The following FRMD4A variants were observed in gnomAD, a reference collection of about 807,000 sequenced individuals.
FRMD4A encodes FERM domain containing 4A.
Under a neutral mutation model 129.1 loss-of-function variants are expected in FRMD4A, and 29 were observed. The observed-to-expected ratio is 0.22, with a 90% CI of 0.17 to 0.31. The LOEUF (loss-of-function observed/expected upper bound fraction) is 0.31. Ranked by LOEUF, FRMD4A falls within the 10% of genes least tolerant of loss-of-function variation. FRMD4A has a pLI of 1.00. For synonymous variants in FRMD4A, 634 were observed against 571.6 expected, an observed-to-expected ratio of 1.11 and a Z score of -1.56; for missense variants, 1,272 against 1,375.8, an observed-to-expected ratio of 0.92 and a Z score of 1.19.
intron 2 of FRMD4A, among the ~76,000 whole-genome samples, chr10:14,046,018 T>C (rs1056321488): frequency 6.6e-6 from 1 of 150,756 alleles, no homozygotes; most frequent in Non-Finnish European, 1.5e-5. Context: ...ATATTATACA[T>C]ATTACATATT....
rs952456974 is a variant in FRMD4A, at chr10:14,090,405, C to T, written c.46-231493G>A. ...GTCAAGGCAGACGCTGTAAAAGGACCGGGCACTGCAGAGCTGCAGGACAAG... is the reference window on the plus strand; with the variant it reads ...GTCAAGGCAGACGCTGTAAAAGGACTGGGCACTGCAGAGCTGCAGGACAAG... On this transcript the variant is annotated intron_variant, in intron 2 of 24. Coordinates refer to ENST00000357447, the MANE Select transcript of FRMD4A (RefSeq NM_018027.5). Among the ~76,000 whole-genome samples, 10 of 152,112 alleles carry T rather than the reference C, an allele frequency of 6.6e-5. No homozygotes were observed. In the South Asian group the frequency reaches 1.5e-3, roughly 22 times the overall value.
At chr10:14,319,324 CAGT>C (rs761528633) in intron 2 of FRMD4A, among the ~76,000 whole-genome samples, 9 of 122,884 alleles carry the variant, frequency 7.3e-5, no homozygotes, top group Non-Finnish European at 1.5e-4. Context: ...TGTTTTACAG[CAGT>C]AGTAACTGAA....
intron 2 of FRMD4A, among the ~76,000 whole-genome samples, chr10:13,907,735 C>T (rs562594434): frequency 1.3e-5 from 2 of 152,160 alleles, no homozygotes; most frequent in East Asian, 3.9e-4. Flanking sequence ...CTGTCACCTG[C>T]CAGGATCAGT....
At chr10:14,110,128 A>AAAAAAAAAAAAAAAAAAG in intron 2 of FRMD4A, among the ~76,000 whole-genome samples, 1 of 148,892 alleles carries the variant, frequency 6.7e-6, no homozygotes, top group African/African-American at 2.5e-5. Context: ...GATGCTGTAA[A>AAAAAAAAAAAAAAAAAAG]AAAAAAAAAA....
intron 2 of FRMD4A, among the ~76,000 whole-genome samples, chr10:14,256,559 A>G (rs1047741544): frequency 6.6e-6 from 1 of 152,256 alleles, no homozygotes; most frequent in Non-Finnish European, 1.5e-5. Flanking sequence ...ACAAATCTCA[A>G]AAGAGTAATA....
chr10:13,745,848 G>A (rs1334709520), intron 9 of FRMD4A, among the ~76,000 whole-genome samples: 1 of 152,172 alleles, frequency 6.6e-6, no homozygotes, highest in African/African-American at 2.4e-5. Flanking sequence ...GAACAGCCAG[G>A]AGGCTACAGA....
At chr10:13,770,552 T>C (rs1447592980) in intron 6 of FRMD4A, among the ~76,000 whole-genome samples, 1 of 152,178 alleles carries the variant, frequency 6.6e-6, no homozygotes, top group African/African-American at 2.4e-5. Context: ...CAAGTGATCC[T>C]CCTGCCTCAG....
intron 2 of FRMD4A, among the ~76,000 whole-genome samples, chr10:14,186,363 A>C (rs1363064500): frequency 6.6e-6 from 1 of 152,168 alleles, no homozygotes; most frequent in African/African-American, 2.4e-5. Context: ...ATAACTGCTC[A>C]TGCCAAGACC....
At chr10:14,274,463 C>T (rs1197344497) in intron 2 of FRMD4A, among the ~76,000 whole-genome samples, 4 of 152,084 alleles carry the variant, frequency 2.6e-5, no homozygotes, top group East Asian at 3.9e-4. Flanking sequence ...AGGTGTGGTT[C>T]GCTCTGAGGA....
At chr10:13,709,683 G>C (rs10082442) in intron 12 of FRMD4A, among the ~76,000 whole-genome samples, 108,993 of 152,092 alleles carry the variant, frequency 0.72, 39,265 homozygotes, top group East Asian at 0.85. Context: ...TCCCTCAGCC[G>C]CTATCCTGCA....
intron 8 of FRMD4A, among the ~76,000 whole-genome samples, chr10:13,753,400 G>T (rs1158934122): frequency 6.6e-6 from 1 of 152,122 alleles, no homozygotes; most frequent in Admixed American, 6.6e-5. Flanking sequence ...ACAGACAAAG[G>T]GAATCACTTG....
chr10:14,019,753 C>T (rs1832647952), intron 2 of FRMD4A, among the ~76,000 whole-genome samples: 2 of 152,172 alleles, frequency 1.3e-5, no homozygotes, highest in Admixed American at 6.5e-5. Flanking sequence ...GAGAACGTGC[C>T]CATGCAATGT....
chr10:13,730,636 G>A (rs1338142898), intron 12 of FRMD4A, among the ~76,000 whole-genome samples: 7 of 152,048 alleles, frequency 4.6e-5, no homozygotes, highest in Non-Finnish European at 7.4e-5. Context: ...CCTCAGCAGC[G>A]CTTCTTTCTA....
chr10:14,154,524 A>G lies in FRMD4A; in HGVS notation c.45+175534T>C, dbSNP rs180981597. Among the ~76,000 whole-genome samples the G allele has an allele frequency of 3.3e-5, 5 of 152,346 alleles. No homozygotes were observed. The East Asian group carries it at 7.7e-4, about 24-fold the overall frequency. ...TTAGTTCCTTAAATATGTCTAAAAC[A>G]ATTAAAAATACAATCTCCTCATGCT... On this transcript the variant is annotated intron_variant, in intron 2 of 24. Transcript: ENST00000357447.
intron 2 of FRMD4A, among the ~76,000 whole-genome samples, chr10:14,224,770 G>C (rs567302033): frequency 1.3e-5 from 2 of 152,300 alleles, no homozygotes; most frequent in East Asian, 3.9e-4. Context: ...GTTAAGAGGA[G>C]AGAATTGACT....
intron 2 of FRMD4A, among the ~76,000 whole-genome samples, chr10:14,223,829 C>T (rs1171609566): frequency 6.6e-6 from 1 of 150,426 alleles, no homozygotes; most frequent in Non-Finnish European, 1.5e-5. Flanking sequence ...AGAAGATATT[C>T]TAGCAACCCC....
At chr10:13,713,175 A>T (rs552470334) in intron 12 of FRMD4A, among the ~76,000 whole-genome samples, 10 of 152,286 alleles carry the variant, frequency 6.6e-5, no homozygotes, top group African/African-American at 2.2e-4. Context: ...TTCCTGTTTC[A>T]TCCAGGGGGG....
chr10:13,894,648 G>C (rs2094737700), intron 2 of FRMD4A, among the ~76,000 whole-genome samples: 1 of 152,206 alleles, frequency 6.6e-6, no homozygotes, highest in Non-Finnish European at 1.5e-5. Context: ...CTCCCTGGAA[G>C]GCCAGGCCCT....
chr10:14,297,753 T>G (rs924743441), intron 2 of FRMD4A, among the ~76,000 whole-genome samples: 1 of 151,982 alleles, frequency 6.6e-6, no homozygotes, highest in African/African-American at 2.4e-5. Context: ...TTCAGGACAG[T>G]TGATGATTGA....
Sources: gnomAD v4.1 joint callset for allele counts (sites outside exome capture counted in the v4.1 genomes callset) on GRCh38, gnomAD v4.1.1 for gene constraint, MANE v1.5 for transcripts, NCBI Gene and HGNC (gene_info 2026-07-23, HGNC 2026-07-21) for gene names.